The following MAGI1 variants were observed in gnomAD, a reference collection of about 807,000 sequenced individuals.
MAGI1 encodes the protein membrane-associated guanylate kinase, WW and PDZ domain-containing protein 1.
A neutral mutation model predicts 139.9 loss-of-function variants in MAGI1; 58 were observed. The observed-to-expected ratio is 0.41, with a 90% CI of 0.34 to 0.52. The LOEUF is 0.52. Ranked by LOEUF, MAGI1 falls within the 20% of genes least tolerant of loss-of-function variation. MAGI1 has a pLI of 0.12. For synonymous variants in MAGI1, 812 were observed against 737.9 expected (o/e 1.10, Z -1.63); for missense variants, 1,874 against 1,901.6 (o/e 0.99, Z 0.27).
intron 1 of MAGI1, among the ~76,000 whole-genome samples, chr3:65,979,562 T>C (rs2065458044): frequency 6.6e-6 from 1 of 152,192 alleles, no homozygotes; most frequent in African/African-American, 2.4e-5. Context: ...GCATTTCTGT[T>C]TCATTCATTA....
At chr3:65,900,659 C>G (rs922752033) in intron 1 of MAGI1, among the ~76,000 whole-genome samples, 1 of 152,172 alleles carries the variant, frequency 6.6e-6, no homozygotes, top group Non-Finnish European at 1.5e-5. Flanking sequence ...TGGTGAACAC[C>G]ACCAGGTTAC....
chr3:65,567,892 A>G (rs2080748247), intron 2 of MAGI1, among the ~76,000 whole-genome samples: 1 of 152,172 alleles, frequency 6.6e-6, no homozygotes, highest in Admixed American at 6.6e-5. Flanking sequence ...ACGTTGCTGT[A>G]ACGTATCCCA....
At chr3:65,859,435 TTA>T (rs2059475289) in intron 1 of MAGI1, among the ~76,000 whole-genome samples, 1 of 146,328 alleles carries the variant, frequency 6.8e-6, no homozygotes, top group Non-Finnish European at 1.5e-5. Context: ...ACTTAAAACT[TTA>T]AGGAAGCAGG....
At chr3:65,717,078 G>C (rs1311661476) in intron 1 of MAGI1, among the ~76,000 whole-genome samples, 1 of 152,164 alleles carries the variant, frequency 6.6e-6, no homozygotes, top group Non-Finnish European at 1.5e-5. Context: ...GGATTATCTG[G>C]ATGGGCAAAT....
intron 1 of MAGI1, among the ~76,000 whole-genome samples, chr3:65,787,114 C>A (rs1264759666): frequency 6.6e-6 from 1 of 152,120 alleles, no homozygotes; most frequent in Non-Finnish European, 1.5e-5. Context: ...AATAAAACTG[C>A]CCCTATTTCC....
intron 1 of MAGI1, among the ~76,000 whole-genome samples, chr3:65,673,835 C>T (rs2087010760): frequency 6.6e-6 from 1 of 152,198 alleles, no homozygotes; most frequent in African/African-American, 2.4e-5. Flanking sequence ...TCCTATTTCA[C>T]CTATAGTCCT....
intron 1 of MAGI1, among the ~76,000 whole-genome samples, chr3:65,704,893 A>G (rs1293314597): frequency 1.3e-5 from 2 of 151,972 alleles, no homozygotes; most frequent in African/African-American, 4.8e-5. Flanking sequence ...ACCCTTCCCA[A>G]TAATCCCTAT....
chr3:65,764,122 T>C (rs2037278597), intron 1 of MAGI1, among the ~76,000 whole-genome samples: 1 of 149,970 alleles, frequency 6.7e-6, no homozygotes, highest in South Asian at 2.1e-4. Flanking sequence ...AAAAGAATTA[T>C]AGTTTGGGTA....
intron 1 of MAGI1, among the ~76,000 whole-genome samples, chr3:65,727,143 T>C (rs2033710942): frequency 6.6e-6 from 1 of 152,124 alleles, no homozygotes; most frequent in African/African-American, 2.4e-5. Flanking sequence ...AATAGAAATT[T>C]CTTCACTGTA....
At chr3:66,035,314 G>T (rs993716717) in intron 1 of MAGI1, among the ~76,000 whole-genome samples, 1 of 152,180 alleles carries the variant, frequency 6.6e-6, no homozygotes, top group Non-Finnish European at 1.5e-5. Flanking sequence ...CATGTAGACA[G>T]TATCCAGAGT....
intron 1 of MAGI1, among the ~76,000 whole-genome samples, chr3:65,997,110 G>A (rs1428815965): frequency 6.6e-6 from 1 of 152,076 alleles, no homozygotes; most frequent in African/African-American, 2.4e-5. Flanking sequence ...ACATTCCCCA[G>A]GGAATGGTTT....
chr3:65,713,443 A>G (rs1325444068), intron 1 of MAGI1, among the ~76,000 whole-genome samples: 1 of 152,194 alleles, frequency 6.6e-6, no homozygotes, highest in Middle Eastern at 3.2e-3. Flanking sequence ...ATTTTTTAAA[A>G]AAAGAAAAAA....
At chr3:65,430,906 A>C (rs1437691176) in intron 10 of MAGI1, 25 bp from the exon 11 acceptor site, 11 of 1,606,756 alleles carry the variant, frequency 6.8e-6, no homozygotes, top group Non-Finnish European at 9.4e-6. Flanking sequence ...GAAACGCATA[A>C]GGAATGTCAC....
intron 18 of MAGI1, among the ~76,000 whole-genome samples, chr3:65,371,205 A>G (rs1457008570): frequency 6.6e-6 from 1 of 152,136 alleles, no homozygotes; most frequent in African/African-American, 2.4e-5. Flanking sequence ...ATGTTGATAA[A>G]CGTGTCTAAA....
intron 1 of MAGI1, among the ~76,000 whole-genome samples, chr3:65,887,681 A>T (rs768130045): frequency 6.6e-6 from 1 of 152,218 alleles, no homozygotes; most frequent in Non-Finnish European, 1.5e-5. Context: ...ATAAGCTCAC[A>T]ATCATAGGAC....
At chr3:65,360,556 T>C (rs951044541) in intron 22 of MAGI1, 1 of 984,876 alleles carries the variant, frequency 1.0e-6, no homozygotes, top group Admixed American at 6.1e-5. Flanking sequence ...GTTTCCCTCA[T>C]GATGAGCACT....
In MAGI1 at chr3:65,375,942, T is replaced by C. The variant is rs1239319442; in HGVS notation, c.2999A>G (p.Asn1000Ser). The C allele has an allele frequency of 6.2e-7, 1 of 1,611,540 alleles. No individual in the cohort carries two copies. The highest frequency in any genetic ancestry group is 1.3e-5 in the African/African-American group (1 of 74,962). ...TTTGTGAGGCATAGCCACACATGCA[T>C]TGCCTGCTTTGATATTGAGTTTTAA... The part of the protein sequence containing the change: ...SRPEAGTTFG[N>S]ACVAMPHKIG... The change falls in exon 18 of 23, where the codon AAT becomes AGT. Residue 1000 changes from asparagine (N) to serine (S), a missense_variant. By Grantham distance (46) the Asn-to-Ser change is conservative. Around this residue, in one of 5 missense-constraint regions of MAGI1, gnomAD observed 653 missense variants for 644.5 expected, o/e 1.01. Transcript: ENST00000402939.
At chr3:65,962,689 G>C (rs1012476858) in intron 1 of MAGI1, among the ~76,000 whole-genome samples, 2 of 151,762 alleles carry the variant, frequency 1.3e-5, no homozygotes, top group Non-Finnish European at 2.9e-5. Context: ...GCTGGGCGTG[G>C]TGGCCCACAT....
At chr3:65,832,544 G>A (rs1009570849) in intron 1 of MAGI1, among the ~76,000 whole-genome samples, 8 of 151,964 alleles carry the variant, frequency 5.3e-5, no homozygotes, top group Non-Finnish European at 7.4e-5. Flanking sequence ...CATCTTTCAA[G>A]ACTCCTGGAT....
Sources: allele counts gnomAD v4.1 joint callset (sites outside exome capture counted in the v4.1 genomes callset), GRCh38; gene constraint gnomAD v4.1.1; regional missense constraint gnomAD v4.1.1; transcripts MANE v1.5; gene names NCBI Gene and HGNC (gene_info 2026-07-23, HGNC 2026-07-21).